The following ABCB5 variants were observed in gnomAD, a reference collection of about 807,000 sequenced individuals.
ABCB5 encodes the protein ATP binding cassette subfamily B member 5, also known as ATP-binding cassette sub-family B member 5.
ABCB5 carries 155 observed loss-of-function variants against 144.2 expected under a neutral mutation model. The observed-to-expected ratio is 1.08, with a 90% confidence interval of 0.94 to 1.23. The LOEUF is 1.23. ABCB5 is among the 50% of genes most tolerant of loss of function. The pLI is 0.00. For synonymous variants in ABCB5, 610 were observed against 528.6 expected (o/e 1.15, Z -2.11); for missense variants, 1,830 against 1,520.8 (o/e 1.20, Z -3.38).
intron 1 of ABCB5, among the ~76,000 whole-genome samples, chr7:20,616,121 C>T (rs1368089644): frequency 1.3e-5 from 2 of 152,174 alleles, no homozygotes; most frequent in Admixed American, 6.5e-5. Flanking sequence ...CTGCAACCTC[C>T]GCCTCCAGGG....
chr7:20,669,723 TAAAAAA>T (rs35747177), intron 14 of ABCB5, among the ~76,000 whole-genome samples: 1 of 65,584 alleles, frequency 1.5e-5, no homozygotes, highest in Non-Finnish European at 3.2e-5. Flanking sequence ...GAATGATCAA[TAAAAAA>T]AAAAAAAAAA....
At chr7:20,656,843 A>G (rs1456025022) in intron 13 of ABCB5, among the ~76,000 whole-genome samples, 1 of 152,142 alleles carries the variant, frequency 6.6e-6, no homozygotes, top group East Asian at 1.9e-4. Flanking sequence ...AAAATAGGAA[A>G]CAATTTAAGT....
intron 5 of ABCB5, among the ~76,000 whole-genome samples, chr7:20,639,353 C>T (rs183018100): frequency 1.5e-4 from 23 of 152,186 alleles, no homozygotes; most frequent in South Asian, 1.2e-3. Flanking sequence ...TTTTTAACTT[C>T]GGTAAAGTTC....
intron 20 of ABCB5, among the ~76,000 whole-genome samples, chr7:20,721,462 C>G (rs1253440060): frequency 6.6e-6 from 1 of 152,182 alleles, no homozygotes; most frequent in East Asian, 1.9e-4. Flanking sequence ...TATATTAGCT[C>G]CAACTATAAT....
At chr7:20,712,479 C>A (rs1341969494) in intron 20 of ABCB5, among the ~76,000 whole-genome samples, 1 of 149,362 alleles carries the variant, frequency 6.7e-6, no homozygotes, top group Non-Finnish European at 1.5e-5. Flanking sequence ...TTTCTAGTCT[C>A]ACCTCTCCTT....
intron 23 of ABCB5, among the ~76,000 whole-genome samples, chr7:20,737,014 G>A (rs1314922114): frequency 6.6e-6 from 1 of 152,156 alleles, no homozygotes; most frequent in Non-Finnish European, 1.5e-5. Flanking sequence ...ACAAAAATTA[G>A]CTAGGCATGG....
intron 27 of ABCB5, 73 bp from the exon 28 acceptor site, chr7:20,755,354 T>C: frequency 7.3e-7 from 1 of 1,361,228 alleles, no homozygotes; most frequent in South Asian, 1.2e-5. Flanking sequence ...TAGACTACCT[T>C]AATTGATTTG....
chr7:20,749,348 C>G (rs1379054372), intron 26 of ABCB5, among the ~76,000 whole-genome samples: 2 of 151,166 alleles, frequency 1.3e-5, no homozygotes, highest in South Asian at 4.2e-4. Context: ...CCACCTCACC[C>G]TCCCCGGGAG....
chr7:20,689,946 T>A (rs1786157587), intron 16 of ABCB5, among the ~76,000 whole-genome samples: 2 of 151,984 alleles, frequency 1.3e-5, no homozygotes, highest in African/African-American at 4.8e-5. Context: ...ACGACAGGGG[T>A]AGGCAGAGAG....
intron 4 of ABCB5, among the ~76,000 whole-genome samples, chr7:20,629,889 G>T (rs1783997740): frequency 6.6e-6 from 1 of 152,110 alleles, no homozygotes; most frequent in South Asian, 2.1e-4. Flanking sequence ...GCCATGCATG[G>T]CACTATATAA....
At chr7:20,634,653 G>A (rs778783962) in intron 5 of ABCB5, among the ~76,000 whole-genome samples, 1 of 152,074 alleles carries the variant, frequency 6.6e-6, no homozygotes, top group Non-Finnish European at 1.5e-5. Flanking sequence ...GATTACTGAG[G>A]TTGAGCATTT....
At chr7:20,688,424 A>G (rs961062352) in intron 16 of ABCB5, among the ~76,000 whole-genome samples, 17 of 152,190 alleles carry the variant, frequency 1.1e-4, no homozygotes, top group Admixed American at 7.2e-4. Context: ...CATCTCTACC[A>G]TCTCACACCA....
At position 20,739,071 on chromosome 7, in the gene ABCB5, G is replaced by A. The variant is rs1782479953; in HGVS notation, c.2956G>A (p.Ala986Thr). 1 of 1,612,174 alleles carries A rather than the reference G, an allele frequency of 6.2e-7. No homozygotes were observed. Among genetic ancestry groups the A allele is most frequent in the East Asian group, 2.2e-5 (1 of 44,748 alleles). Residue 986 changes from alanine to threonine, a missense_variant, in exon 24 of 28, where the codon GCG becomes ACG. Physicochemically the swap from Ala to Thr is moderately conservative, Grantham distance 58 (BLOSUM62 0). Transcript: ENST00000404938. ...ATATTCCAAAGCCAAATCGGGGGCT[G>A]CGCATCTGTTTGCCTTGTTGGAAAA... is the stretch of plus-strand genomic sequence containing the variant. Reference protein sequence around the residue: ...PEYSKAKSGAAHLFALLEKKP... With the variant: ...PEYSKAKSGATHLFALLEKKP...
At chr7:20,631,970 C>T in intron 4 of ABCB5, 89 bp from the exon 5 acceptor site, 1 of 676,216 alleles carries the variant, frequency 1.5e-6, no homozygotes. Context: ...CTTAAGAGTG[C>T]ACTATATTTG....
chr7:20,665,332 G>A (rs1055997220), intron 14 of ABCB5, among the ~76,000 whole-genome samples: 1 of 152,028 alleles, frequency 6.6e-6, no homozygotes, highest in African/African-American at 2.4e-5. Flanking sequence ...AAGCATTCTC[G>A]GACCAGTGAC....
chr7:20,704,228 C>A (rs539965817), intron 19 of ABCB5, among the ~76,000 whole-genome samples: 1 of 151,984 alleles, frequency 6.6e-6, no homozygotes, highest in East Asian at 1.9e-4. Flanking sequence ...AGGTGCACAC[C>A]ACCATGCCCA....
intron 14 of ABCB5, among the ~76,000 whole-genome samples, chr7:20,677,473 T>C (rs1195772436): frequency 6.6e-6 from 1 of 152,196 alleles, no homozygotes; most frequent in African/African-American, 2.4e-5. Flanking sequence ...CCTTTGCCAG[T>C]AATCCAGCAC....
chr7:20,657,850 T>C (rs1784860656), intron 13 of ABCB5, among the ~76,000 whole-genome samples: 1 of 152,204 alleles, frequency 6.6e-6, no homozygotes, highest in Admixed American at 6.5e-5. Context: ...TTTAAATTTA[T>C]CTCCGTGAAG....
chr7:20,660,422 G>T, intron 14 of ABCB5: 1 of 984,934 alleles, frequency 1.0e-6, no homozygotes, highest in Non-Finnish European at 1.2e-6. Flanking sequence ...TGTATGGTTT[G>T]CTGGGTCAGG....
Sources: allele counts gnomAD v4.1 joint callset (sites outside exome capture counted in the v4.1 genomes callset), GRCh38; gene constraint gnomAD v4.1.1; transcripts MANE v1.5; gene names NCBI Gene and HGNC (gene_info 2026-07-23, HGNC 2026-07-21).